Variants in SLC4A10 observed in about 807,000 individuals in gnomAD.
SLC4A10 encodes the protein solute carrier family 4 member 10.
Under a neutral mutation model 137.7 loss-of-function variants are expected in SLC4A10, and 42 were observed. The observed-to-expected ratio is 0.30, with a 90% CI of 0.24 to 0.39. The LOEUF (loss-of-function observed/expected upper bound fraction) is 0.39, where lower values mean the gene tolerates loss of function less well. Among genes scored for constraint, SLC4A10 ranks in the 10% least tolerant of loss-of-function variants. SLC4A10 has a pLI of 1.00. For missense variants in SLC4A10, 925 were observed against 1,355.0 expected (o/e 0.68, Z 4.98); for synonymous variants, 474 against 464.1 (o/e 1.02, Z -0.27).
intron 1 of SLC4A10, among the ~76,000 whole-genome samples, chr2:161,688,238 A>T (rs2041638483): frequency 6.6e-6 from 1 of 152,230 alleles, no homozygotes; most frequent in Non-Finnish European, 1.5e-5. Flanking sequence ...TAGGATAGAA[A>T]AATCATCTGT....
At position 161,637,111 on chromosome 2, in the gene SLC4A10, GTA is replaced by G. The variant is rs201279945; in HGVS notation, c.48+12553_48+12554del. On this transcript the variant is annotated intron_variant, in intron 1 of 26. Transcript: ENST00000446997. ...TACATATACGTATATACGTATTTAT[GTA>G]TATATATCTATATACATAAATACGT... Among the ~76,000 whole-genome samples the G allele has an allele frequency of 6.5e-5, 8 of 122,576 alleles. 1 individual carries two copies. In the East Asian group the frequency reaches 8.1e-4, roughly 12 times the overall value. 80.4% of individuals were successfully genotyped at this position (122,576 alleles called of 152,430 possible).
At chr2:161,788,774 G>A (rs931012041) in intron 2 of SLC4A10, among the ~76,000 whole-genome samples, 1 of 152,168 alleles carries the variant, frequency 6.6e-6, no homozygotes, top group Non-Finnish European at 1.5e-5. Context: ...TCTGTGTTGG[G>A]ATGGGGAGAC....
In SLC4A10 at chr2:161,983,161, C is replaced by T. The variant is rs745896513; in HGVS notation, c.*27-18C>T. 6.5e-7 allele frequency: 1 copy of T among 1,536,002 alleles called. No individual in the cohort carries two copies. Among genetic ancestry groups the T allele is most frequent in the Non-Finnish European group, 8.7e-7 (1 of 1,146,614 alleles). ...GCTGGATTGCAGTAATAAATGTGTC[C>T]TTTTTTTCCTTCTGTAGCATTGAAA... On this transcript the variant is annotated intron_variant, in intron 26 of 26. Coordinates refer to ENST00000446997, the MANE Select transcript of SLC4A10 (RefSeq NM_001178015.2).
At chr2:161,662,877 A>G (rs1020917011) in intron 1 of SLC4A10, among the ~76,000 whole-genome samples, 16 of 152,190 alleles carry the variant, frequency 1.1e-4, no homozygotes, top group African/African-American at 3.9e-4. Flanking sequence ...TGAAGTGGAT[A>G]TTACTGCAAG....
intron 1 of SLC4A10, among the ~76,000 whole-genome samples, chr2:161,680,602 G>A (rs760849842): frequency 3.9e-5 from 6 of 152,058 alleles, no homozygotes; most frequent in Non-Finnish European, 7.4e-5. Context: ...TCGATGGCAC[G>A]AGGGAGTCAT....
chr2:161,781,464 A>G (rs1264955848), intron 2 of SLC4A10, among the ~76,000 whole-genome samples: 1 of 152,086 alleles, frequency 6.6e-6, no homozygotes, highest in Non-Finnish European at 1.5e-5. Context: ...TTCGAGATGA[A>G]TGTTTCATAA....
intron 15 of SLC4A10, among the ~76,000 whole-genome samples, chr2:161,926,393 T>TTTC (rs1553627015): frequency 9.2e-6 from 1 of 108,850 alleles, no homozygotes; most frequent in East Asian, 3.5e-4. Context: ...TTGGTTTTTT[T>TTTC]TTTTTTTTTT....
intron 1 of SLC4A10, among the ~76,000 whole-genome samples, chr2:161,746,531 C>A (rs536722012): frequency 6.6e-6 from 1 of 151,992 alleles, no homozygotes; most frequent in Admixed American, 6.5e-5. Context: ...CCTCTAGGAG[C>A]TGATACCTGG....
At chr2:161,921,689 T>G (rs1688160842) in intron 15 of SLC4A10, among the ~76,000 whole-genome samples, 1 of 152,224 alleles carries the variant, frequency 6.6e-6, no homozygotes, top group Non-Finnish European at 1.5e-5. Context: ...TTATCCCTGC[T>G]TTACAAACAA....
chr2:161,774,044 C>A (rs937513307), intron 2 of SLC4A10, among the ~76,000 whole-genome samples: 34 of 151,878 alleles, frequency 2.2e-4, no homozygotes, highest in African/African-American at 7.5e-4. Flanking sequence ...CATTATACAG[C>A]CTCCTTAATA....
chr2:161,748,496 A>T (rs921062038), intron 1 of SLC4A10, among the ~76,000 whole-genome samples: 6 of 149,646 alleles, frequency 4.0e-5, no homozygotes, highest in African/African-American at 1.5e-4. Context: ...TTCCAGTTTT[A>T]TTCTTTTGCA....
rs74718052 is a variant in SLC4A10, at chr2:161,713,537, G to T, written c.49-57436G>T. On this transcript the variant is annotated intron_variant, in intron 1 of 26. Transcript: ENST00000446997. The stretch of plus-strand genomic sequence containing the variant: ...ATCCTAAGAGACCTCCTGCTTGTCC[G>T]TGATGTAAACTCCATTTTATTGGTA... Among the ~76,000 whole-genome samples, 7 of 151,862 alleles carry T rather than the reference G, an allele frequency of 4.6e-5. No individual in the cohort carries two copies. The East Asian group carries it at 1.4e-3, about 29-fold the overall frequency.
intron 1 of SLC4A10, among the ~76,000 whole-genome samples, chr2:161,676,548 A>G (rs2040296267): frequency 1.3e-5 from 2 of 152,168 alleles, no homozygotes; most frequent in African/African-American, 4.8e-5. Flanking sequence ...TTTTAAAACT[A>G]GGTTATAAAT....
intron 1 of SLC4A10, 35 bp from the exon 2 acceptor site, chr2:161,770,938 G>T: frequency 6.9e-7 from 1 of 1,452,368 alleles, no homozygotes; most frequent in Non-Finnish European, 9.5e-7. Context: ...TAATATGTGT[G>T]TTATCATTTA....
intron 23 of SLC4A10, among the ~76,000 whole-genome samples, chr2:161,972,857 A>C (rs1031676132): frequency 6.6e-6 from 1 of 152,202 alleles, no homozygotes; most frequent in Non-Finnish European, 1.5e-5. Context: ...ACTCCAAGAG[A>C]GAAATGAGAT....
At chr2:161,693,499 C>A (rs1324267104) in intron 1 of SLC4A10, among the ~76,000 whole-genome samples, 1 of 151,978 alleles carries the variant, frequency 6.6e-6, no homozygotes. Flanking sequence ...AGATTTGCAG[C>A]ATTTTTCCTT....
intron 11 of SLC4A10, among the ~76,000 whole-genome samples, chr2:161,895,830 T>C (rs1465069342): frequency 6.6e-6 from 1 of 152,120 alleles, no homozygotes; most frequent in South Asian, 2.1e-4. Flanking sequence ...GTCAGATGAG[T>C]AGGTTGTGAA....
chr2:161,820,536 C>T (rs1321689123), intron 3 of SLC4A10, among the ~76,000 whole-genome samples: 1 of 152,150 alleles, frequency 6.6e-6, no homozygotes, highest in African/African-American at 2.4e-5. Flanking sequence ...TGTTTTTGAA[C>T]GTTATATAAA....
intron 3 of SLC4A10, 112 bp downstream of exon 3, chr2:161,804,707 A>G: frequency 9.5e-7 from 1 of 1,049,280 alleles, no homozygotes; most frequent in Non-Finnish European, 1.3e-6. Context: ...TACTTTTATA[A>G]AAGACTTTGG....
Sources: gnomAD v4.1 joint callset for allele counts (sites outside exome capture counted in the v4.1 genomes callset) on GRCh38, gnomAD v4.1.1 for gene constraint, MANE v1.5 for transcripts, NCBI Gene and HGNC (gene_info 2026-07-23, HGNC 2026-07-21) for gene names.